The following SNX18 variants were observed in gnomAD, a reference collection of about 807,000 sequenced individuals.
SNX18 encodes the protein sorting nexin 18.
A neutral mutation model predicts 48.7 loss-of-function variants in SNX18; 35 were observed. The observed-to-expected ratio is 0.72, with a 90% CI of 0.55 to 0.95. The LOEUF (loss-of-function observed/expected upper bound fraction) is 0.95, where lower values mean the gene tolerates loss of function less well. SNX18 is among the 40% of genes least tolerant of loss of function. The pLI is 0.00. For synonymous variants in SNX18, 492 were observed against 384.7 expected (o/e 1.28, Z -3.26); for missense variants, 824 against 871.0 (o/e 0.95, Z 0.68).
At chr5:54,621,143 C>T in the SNX18 span, among the ~76,000 whole-genome samples, 1 of 152,166 alleles carries the variant, frequency 6.6e-6, no homozygotes, top group East Asian at 1.9e-4. Context: ...ACACTAACCT[C>T]CTTTTTCTGG....
the SNX18 span, among the ~76,000 whole-genome samples, chr5:54,566,701 A>T: frequency 6.6e-6 from 1 of 152,208 alleles, no homozygotes; most frequent in East Asian, 1.9e-4. Context: ...GAAGTGGGAA[A>T]TTGCCTCTCA....
the SNX18 span, among the ~76,000 whole-genome samples, chr5:54,567,880 T>C: frequency 6.6e-6 from 1 of 152,172 alleles, no homozygotes; most frequent in Non-Finnish European, 1.5e-5. Context: ...CTGGTGCTGA[T>C]CGTGCCTGGG....
At chr5:54,592,019 A>G in the SNX18 span, among the ~76,000 whole-genome samples, 1 of 152,220 alleles carries the variant, frequency 6.6e-6, no homozygotes, top group African/African-American at 2.4e-5. Flanking sequence ...TATTAATCAT[A>G]AGGTGCCCTG....
chr5:54,549,539 A>G (rs1762622470), downstream of SNX18, among the ~76,000 whole-genome samples: 1 of 152,194 alleles, frequency 6.6e-6, no homozygotes, highest in South Asian at 2.1e-4. Context: ...TCAGCTCTCC[A>G]GAGATGGCCC....
the SNX18 span, among the ~76,000 whole-genome samples, chr5:54,609,134 A>G: frequency 6.6e-6 from 1 of 152,174 alleles, no homozygotes; most frequent in African/African-American, 2.4e-5. Flanking sequence ...AATGATGGAA[A>G]TGTTCCATAA....
the SNX18 span, among the ~76,000 whole-genome samples, chr5:54,620,053 G>A: frequency 7.2e-5 from 11 of 152,202 alleles, no homozygotes; most frequent in Non-Finnish European, 2.9e-5. Flanking sequence ...GGCATAGTGA[G>A]TTTGGGGTCC....
At chr5:54,572,829 C>T in the SNX18 span, among the ~76,000 whole-genome samples, 2 of 108,510 alleles carry the variant, frequency 1.8e-5, no homozygotes, top group Admixed American at 1.4e-4. Flanking sequence ...AGTATCACTT[C>T]GTCACCCAAG....
At chr5:54,624,745 C>T in the SNX18 span, among the ~76,000 whole-genome samples, 1 of 152,082 alleles carries the variant, frequency 6.6e-6, no homozygotes, top group Non-Finnish European at 1.5e-5. Context: ...TAGAGTATGT[C>T]AAAGCTAATA....
At chr5:54,641,509 G>C in the SNX18 span, among the ~76,000 whole-genome samples, 366 of 152,236 alleles carry the variant, frequency 2.4e-3, no homozygotes, top group Middle Eastern at 6.8e-3. Flanking sequence ...GTGGAGGGAA[G>C]GCTGGGGATC....
chr5:54,578,381 C>A, the SNX18 span, among the ~76,000 whole-genome samples: 1 of 152,204 alleles, frequency 6.6e-6, no homozygotes, highest in Non-Finnish European at 1.5e-5. Flanking sequence ...GCTGGAGATG[C>A]CAACTGTTTT....
chr5:54,578,739 T>A, the SNX18 span, among the ~76,000 whole-genome samples: 2 of 152,194 alleles, frequency 1.3e-5, no homozygotes. Context: ...CCTGCTCTGG[T>A]CTTGCGAGAT....
chr5:54,533,132 T>C (rs1267610345), intron 1 of SNX18, among the ~76,000 whole-genome samples: 6 of 152,246 alleles, frequency 3.9e-5, no homozygotes, highest in Non-Finnish European at 5.9e-5. Flanking sequence ...CAGTTGACTA[T>C]GCTTGTCTTG....
chr5:54,625,402 G>A, the SNX18 span, among the ~76,000 whole-genome samples: 115 of 152,188 alleles, frequency 7.6e-4, no homozygotes, highest in Non-Finnish European at 1.4e-3. Context: ...AAGCTCGCTC[G>A]TATGGCTGTT....
chr5:54,585,692 C>T, the SNX18 span, among the ~76,000 whole-genome samples: 1 of 152,056 alleles, frequency 6.6e-6, no homozygotes, highest in African/African-American at 2.4e-5. Flanking sequence ...AAGCGCCTTC[C>T]AACAGAGGTG....
chr5:54,628,971 T>TTCAGCACACC, the SNX18 span, among the ~76,000 whole-genome samples: 4 of 152,200 alleles, frequency 2.6e-5, no homozygotes, highest in Non-Finnish European at 5.9e-5. Context: ...AACAGACTTC[T>TTCAGCACACC]TCAGCACACC....
chr5:54,599,549 G>A, the SNX18 span, among the ~76,000 whole-genome samples: 1 of 152,160 alleles, frequency 6.6e-6, no homozygotes, highest in African/African-American at 2.4e-5. Flanking sequence ...AAAGAACAAA[G>A]CTGGAGGCAT....
At position 54,546,001 on chromosome 5, in the gene SNX18, C is replaced by T. The variant is rs1762572175; in HGVS notation, c.*2569C>T. 1.3e-5 allele frequency: 2 copies of T among 152,122 alleles called. No homozygotes were observed. Among genetic ancestry groups the T allele is most frequent in the Non-Finnish European group, 2.9e-5 (2 of 68,042 alleles). The allele number at this position is 152,122 out of a possible 1,614,324, so 9.4% of individuals were successfully genotyped here. A position where few individuals can be genotyped will look rare whatever the true frequency, so the allele number is the denominator to read the frequency against. ...TTTATATGCTGTAACTGTAACGCAG[C>T]GAGACTGGTTCTACAGCCATGTGTC... is the stretch of plus-strand genomic sequence containing the variant. On this transcript the variant is annotated 3_prime_UTR_variant, in exon 2 of 2. Coordinates refer to ENST00000381410, the MANE Select transcript of SNX18 (RefSeq NM_001102575.2).
downstream of SNX18, among the ~76,000 whole-genome samples, chr5:54,550,845 A>G (rs1053457884): frequency 6.6e-6 from 1 of 152,146 alleles, no homozygotes; most frequent in Non-Finnish European, 1.5e-5. Context: ...TCGGCCTCCC[A>G]AAGTGCTGGG....
chr5:54,594,425 G>A, the SNX18 span, among the ~76,000 whole-genome samples: 2 of 152,186 alleles, frequency 1.3e-5, no homozygotes, highest in Non-Finnish European at 2.9e-5. Flanking sequence ...TCTTAGAAAG[G>A]CCTGCTTGGA....
Sources: gnomAD v4.1 joint callset for allele counts (sites outside exome capture counted in the v4.1 genomes callset) on GRCh38, gnomAD v4.1.1 for gene constraint, MANE v1.5 for transcripts, NCBI Gene and HGNC (gene_info 2026-07-23, HGNC 2026-07-21) for gene names.